Variants in ANO4 observed in about 807,000 individuals in gnomAD.
The protein encoded by ANO4 is anoctamin-4.
Under a neutral mutation model 141.9 loss-of-function variants are expected in ANO4, and 69 were observed. The observed-to-expected ratio is 0.49, with a 90% CI of 0.40 to 0.59. The LOEUF (loss-of-function observed/expected upper bound fraction) is 0.59. ANO4 is among the 20% of genes least tolerant of loss of function. The pLI is 0.00. For missense variants in ANO4, 894 were observed against 1,162.2 expected, an observed-to-expected ratio of 0.77 and a Z score of 3.36; for synonymous variants, 350 against 394.3, an observed-to-expected ratio of 0.89 and a Z score of 1.33.
chr12:101,013,028 T>A (rs2046163938), intron 8 of ANO4, among the ~76,000 whole-genome samples: 2 of 152,168 alleles, frequency 1.3e-5, no homozygotes, highest in African/African-American at 2.4e-5. Context: ...CTGGTGGGAA[T>A]GTAAATTAGT....
intron 2 of ANO4, among the ~76,000 whole-genome samples, chr12:100,918,696 T>C (rs183349910): frequency 6.6e-6 from 1 of 152,302 alleles, no homozygotes; most frequent in Non-Finnish European, 1.5e-5. Context: ...TATAAAAATA[T>C]AGCACATACA....
At chr12:100,908,568 A>G (rs528276675) in intron 2 of ANO4, among the ~76,000 whole-genome samples, 2 of 152,320 alleles carry the variant, frequency 1.3e-5, no homozygotes, top group East Asian at 3.9e-4. Context: ...TTATTCTGGC[A>G]AGGTAGAATA....
intron 7 of ANO4, 136 bp from the exon 8 acceptor site, chr12:100,987,402 AC>A (rs2136331419): frequency 9.1e-7 from 1 of 1,100,974 alleles, no homozygotes; most frequent in East Asian, 2.4e-5. Context: ...CATCTATAAA[AC>A]AAGGATATCC....
intron 3 of ANO4, among the ~76,000 whole-genome samples, chr12:100,745,075 A>G (rs1349798566): frequency 6.6e-6 from 1 of 152,080 alleles, no homozygotes; most frequent in Non-Finnish European, 1.5e-5. Context: ...TAAAGTCTAA[A>G]CACTTCATAC....
chr12:100,905,663 GA>G (rs1162342903), intron 2 of ANO4, among the ~76,000 whole-genome samples: 1 of 152,032 alleles, frequency 6.6e-6, no homozygotes, highest in Admixed American at 6.6e-5. Flanking sequence ...CAACTTTTTT[GA>G]GCAGTTTTGC....
At chr12:100,936,478 G>A (rs1266232444) in intron 3 of ANO4, among the ~76,000 whole-genome samples, 1 of 152,120 alleles carries the variant, frequency 6.6e-6, no homozygotes, top group East Asian at 1.9e-4. Context: ...GGACATAGAG[G>A]GCATTGTTGA....
chr12:100,926,445 A>G (rs979883436), intron 3 of ANO4, among the ~76,000 whole-genome samples: 1 of 152,246 alleles, frequency 6.6e-6, no homozygotes, highest in Non-Finnish European at 1.5e-5. Flanking sequence ...TGCTAGGCAT[A>G]ATACCTTAAG....
At chr12:101,023,440 G>C (rs1014086111) in intron 9 of ANO4, among the ~76,000 whole-genome samples, 1 of 152,140 alleles carries the variant, frequency 6.6e-6, no homozygotes, top group Non-Finnish European at 1.5e-5. Context: ...GGAGGCTGAG[G>C]CAGGAGGATT....
rs548317011 is a variant in ANO4, at chr12:100,898,438, C to G, written c.-140-3208C>G. 4.4e-4 allele frequency among the ~76,000 whole-genome samples: 67 copies of G among 152,200 alleles called. 1 individual carries two copies. Among genetic ancestry groups the G allele is most frequent in the Non-Finnish European group, 8.7e-4 (59 of 68,010 alleles). On this transcript the variant is annotated intron_variant, in intron 1 of 27. Coordinates refer to ENST00000392977, the MANE Select transcript of ANO4 (RefSeq NM_001286615.2). ...GGCCCTTTATCTGTACTTTGAGGAC[C>G]CTTAATTCCTAGAGGAAGAACATGG...
rs530511726 is a variant in ANO4 at position 100,942,641 on chromosome 12, G to A, written c.456+106G>A. ...TTAATGTTAACCAAACATTTCATTT[G>A]GTCAGAGTTTTCCAGTCTTCAGAGT... On this transcript the variant is annotated intron_variant, in intron 5 of 27. Coordinates refer to ENST00000392977, the MANE Select transcript of ANO4 (RefSeq NM_001286615.2). 2.5e-4 allele frequency: 311 copies of A among 1,249,788 alleles called. 1 individual carries two copies. The highest frequency in any genetic ancestry group is 3.0e-5 in the Non-Finnish European group (28 of 927,008). 77.4% of individuals were successfully genotyped at this position (1,249,788 alleles called of 1,614,324 possible). A position where few individuals can be genotyped will look rare whatever the true frequency, so the allele number is the denominator to read the frequency against.
intron 14 of ANO4, among the ~76,000 whole-genome samples, chr12:101,060,368 T>C (rs1228376776): frequency 1.3e-5 from 2 of 152,226 alleles, no homozygotes; most frequent in African/African-American, 4.8e-5. Context: ...TGATTTGCAG[T>C]GGGGAGTTCT....
intron 2 of ANO4, among the ~76,000 whole-genome samples, chr12:100,903,226 G>C (rs1489503308): frequency 6.6e-6 from 1 of 152,112 alleles, no homozygotes; most frequent in East Asian, 1.9e-4. Context: ...TGATGCACCA[G>C]ACCAAGGTGG....
chr12:100,873,307 G>A (rs2039125477), intron 1 of ANO4, among the ~76,000 whole-genome samples: 1 of 152,214 alleles, frequency 6.6e-6, no homozygotes, highest in Non-Finnish European at 1.5e-5. Flanking sequence ...AGAGTATGGA[G>A]GGCTCAGAGG....
chr12:101,060,919 G>A (rs536045135), intron 14 of ANO4, among the ~76,000 whole-genome samples: 5 of 152,170 alleles, frequency 3.3e-5, no homozygotes, highest in Admixed American at 1.3e-4. Context: ...TGATCCTATC[G>A]TTAGGATGCT....
intron 3 of ANO4, among the ~76,000 whole-genome samples, chr12:100,787,725 G>A (rs907830561): frequency 2.0e-5 from 3 of 152,140 alleles, no homozygotes; most frequent in East Asian, 1.9e-4. Context: ...AGTGAGGATG[G>A]CACTGAGATT....
intron 3 of ANO4, among the ~76,000 whole-genome samples, chr12:100,774,205 A>G (rs375055465): frequency 1.6e-4 from 24 of 152,346 alleles, no homozygotes; most frequent in African/African-American, 5.8e-4. Context: ...AAACAAGTCT[A>G]GTGAATCTCT....
chr12:100,926,836 A>T (rs1026921867), intron 3 of ANO4, among the ~76,000 whole-genome samples: 3 of 151,954 alleles, frequency 2.0e-5, no homozygotes, highest in Admixed American at 6.6e-5. Flanking sequence ...GATGCCCTGT[A>T]GAGGGAGCCA....
At chr12:100,873,957 C>T (rs1194950924) in intron 1 of ANO4, among the ~76,000 whole-genome samples, 1 of 152,216 alleles carries the variant, frequency 6.6e-6, no homozygotes, top group South Asian at 2.1e-4. Flanking sequence ...CTCCCTGTGT[C>T]CTAGCTGCTC....
intron 3 of ANO4, among the ~76,000 whole-genome samples, chr12:100,770,906 A>C (rs1210994688): frequency 6.6e-6 from 1 of 151,934 alleles, no homozygotes; most frequent in Non-Finnish European, 1.5e-5. Context: ...AGCACTTAGA[A>C]CACAGTTGGG....
Sources: gnomAD v4.1 joint callset for allele counts (sites outside exome capture counted in the v4.1 genomes callset) on GRCh38, gnomAD v4.1.1 for gene constraint, MANE v1.5 for transcripts, NCBI Gene and HGNC (gene_info 2026-07-23, HGNC 2026-07-21) for gene names.